ALS2CL: variants seen among roughly 807,000 people sequenced by gnomAD.
The protein encoded by ALS2CL is ALS2 C-terminal-like protein.
In ALS2CL, 112 loss-of-function variants were observed where a neutral mutation model predicts 127.9. That is an observed-to-expected ratio of 0.88 (90% CI 0.75 to 1.02). ALS2CL has a LOEUF of 1.02. Among genes scored for constraint, ALS2CL ranks in the 50% least tolerant of loss-of-function variants. The probability of loss-of-function intolerance (pLI) is 0.00; values close to 1 mark genes in which losing one functional copy is unlikely to be tolerated. For missense variants in ALS2CL, 1,174 were observed against 1,236.7 expected (o/e 0.95, Z 0.76); for synonymous variants, 519 against 527.6 (o/e 0.98, Z 0.22).
chr3:46,689,001 G>A (rs1382215619), intron 2 of ALS2CL, among the ~76,000 whole-genome samples: 6 of 152,150 alleles, frequency 3.9e-5, no homozygotes, highest in South Asian at 2.1e-4. Context: ...AGGCTGAGGC[G>A]GGCAGATCAT....
chr3:46,671,612 C>A lies in ALS2CL; in HGVS notation c.2685-28G>T, dbSNP rs6776565. On this transcript the variant is annotated intron_variant, in intron 24 of 25. Coordinates refer to ENST00000318962, the MANE Select transcript of ALS2CL (RefSeq NM_147129.5). ...GGAGAACACCGCCCCACCAAGAGAG[C>A]GAGGGAGACAAGGAGAAGAGGCCTG... The A allele has an allele frequency of 3.5e-5, 56 of 1,612,548 alleles. No homozygotes were observed. Among genetic ancestry groups the A allele is most frequent in the Non-Finnish European group, 4.7e-5 (55 of 1,179,614 alleles).
chr3:46,682,004 C>A, intron 11 of ALS2CL, 25 bp downstream of exon 11: 1 of 1,613,022 alleles, frequency 6.2e-7, no homozygotes. Context: ...GCACGCCTCC[C>A]AGCAGTAGCC....
chr3:46,679,402 G>A, intron 14 of ALS2CL, 115 bp from the exon 15 acceptor site: 1 of 921,816 alleles, frequency 1.1e-6, no homozygotes, highest in Non-Finnish European at 1.7e-6. Flanking sequence ...TGGCGAGAGG[G>A]GCCCTGAGCC....
chr3:46,680,421 T>C lies in ALS2CL; in HGVS notation c.1548+9A>G, dbSNP rs771359720. ...AAGAGAGGGATAGCCCAGGATACAC[T>C]CCACTCACCACCGTCTTGTCCGCCT... On this transcript the variant is annotated intron_variant, in intron 14 of 25. Coordinates refer to ENST00000318962, the MANE Select transcript of ALS2CL (RefSeq NM_147129.5). 1.9e-6 allele frequency: 3 copies of C among 1,611,440 alleles called. No homozygotes were observed. The South Asian group carries it at 3.3e-5, about 18-fold the overall frequency.
chr3:46,675,633 T>C lies in ALS2CL; in HGVS notation c.2240A>G (p.Glu747Gly), dbSNP rs1176188327. The change falls in exon 20 of 26, where the codon GAA becomes GGA. Residue 747 changes from glutamate to glycine, a missense_variant. Transcript: ENST00000318962. ...CGCCAGTCACCTTGTCTCTGTGTCT[T>C]CATCCTCCTCCAGGGCCTGGCCCTT... is the stretch of plus-strand genomic sequence containing the variant. ...ERKGQALEED[E>G]DTETRDLQVH... The C allele has an allele frequency of 1.2e-6, 2 of 1,613,840 alleles. No individual in the cohort carries two copies. Among genetic ancestry groups the C allele is most frequent in the Non-Finnish European group, 1.7e-6 (2 of 1,180,012 alleles).
chr3:46,673,891 A>G (rs1024840496), intron 21 of ALS2CL, among the ~76,000 whole-genome samples: 145 of 152,300 alleles, frequency 9.5e-4, no homozygotes, highest in African/African-American at 3.4e-3. Flanking sequence ...TCCCTGTGTA[A>G]CAAAGGAGAC....
At chr3:46,684,497 C>T (rs1699620588) in intron 7 of ALS2CL, among the ~76,000 whole-genome samples, 1 of 152,236 alleles carries the variant, frequency 6.6e-6, no homozygotes. Context: ...ACTGTTCCTT[C>T]TACCTGGAAT....
At chr3:46,683,087 C>T in intron 10 of ALS2CL, 43 bp downstream of exon 10, 4 of 1,513,914 alleles carry the variant, frequency 2.6e-6, no homozygotes, top group Non-Finnish European at 2.6e-6. Context: ...CCCGCAGACC[C>T]CCAGGGAGTC....
chr3:46,683,754 C>A (rs753165300), intron 9 of ALS2CL, 28 bp downstream of exon 9: 2 of 1,612,630 alleles, frequency 1.2e-6, no homozygotes, highest in South Asian at 2.2e-5. Flanking sequence ...GACCCCGCTC[C>A]CGCAGTTCAC....
At position 46,676,677 on chromosome 3, in the gene ALS2CL, G is replaced by C; in HGVS notation, c.1993C>G (p.Arg665Gly). ...EDILEELLQH[R>G]EPKALQLYLR... ...TACAGCTGCAGGGCCTTGGGCTCCC[G>C]GTGCTGCAGCAGCTCCTCCAGGATG... is the stretch of plus-strand genomic sequence containing the variant. Residue 665 changes from arginine to glycine, a missense_variant, in exon 18 of 26, where the codon CGG (arginine) becomes GGG (glycine). Physicochemically the swap from Arg to Gly is moderately radical, Grantham distance 125. Coordinates refer to ENST00000318962, the MANE Select transcript of ALS2CL (RefSeq NM_147129.5). The C allele has an allele frequency of 6.2e-7, 1 of 1,613,514 alleles. No homozygotes were observed. Among genetic ancestry groups the C allele is most frequent in the Non-Finnish European group, 8.5e-7 (1 of 1,179,868 alleles).
At chr3:46,677,137 C>T in intron 16 of ALS2CL, 115 bp from the exon 17 acceptor site, 5 of 1,481,234 alleles carry the variant, frequency 3.4e-6, no homozygotes, top group Non-Finnish European at 4.4e-6. Context: ...AGGATCAAGC[C>T]CCAAGAAGGG....
At chr3:46,688,557 C>T (rs1040035243) in intron 2 of ALS2CL, among the ~76,000 whole-genome samples, 1 of 152,180 alleles carries the variant, frequency 6.6e-6, no homozygotes, top group Non-Finnish European at 1.5e-5. Context: ...ACAGGGACAA[C>T]CCTGACAGCC....
chr3:46,678,463 G>C (rs1559466751), intron 15 of ALS2CL, 74 bp from the exon 16 acceptor site: 4 of 1,536,680 alleles, frequency 2.6e-6, no homozygotes, highest in South Asian at 1.2e-5. Context: ...CAGGCCACAA[G>C]CCTGTCCATC....
chr3:46,686,193 C>T lies in ALS2CL; in HGVS notation c.666+115G>A, dbSNP rs1430589308. The T allele has an allele frequency of 2.9e-6, 4 of 1,399,260 alleles. No individual in the cohort carries two copies. In the African/African-American group the frequency reaches 5.8e-5, roughly 20 times the overall value. The allele number at this position is 1,399,260 out of a possible 1,614,324, so 86.7% of individuals were successfully genotyped here. A position where few individuals can be genotyped will look rare whatever the true frequency, so the allele number is the denominator to read the frequency against. On this transcript the variant is annotated intron_variant, in intron 6 of 25. Transcript: ENST00000318962. The surrounding 1 kb of genome is among the most constrained non-coding windows in gnomAD (Gnocchi z 4.3). ...CCACCTGCTTCAGCCATCACTCCCC[C>T]TTCCATATAGGGAAACTGAGGCCCA...
Position 46,678,342 on chromosome 3 carries a change from G to A in ALS2CL, c.1674C>T (p.Gly558=). Residue 558 remains glycine, a synonymous_variant, in exon 16 of 26, where the codon GGC becomes GGT. Transcript: ENST00000318962. ...TGTGCAGTCCTCTCCCTGCCCCACTGCCGAACGAGCCCTCCAGGGTGAAGC... is the reference window on the plus strand; with the variant it reads ...TGTGCAGTCCTCTCCCTGCCCCACTACCGAACGAGCCCTCCAGGGTGAAGC... ...PNGFTLEGSF[G]SGAGRGLHTQ... The A allele has an allele frequency of 6.2e-7, 1 of 1,613,308 alleles. No individual in the cohort carries two copies. Among genetic ancestry groups the A allele is most frequent in the Non-Finnish European group, 8.5e-7 (1 of 1,179,554 alleles).
rs147700138 is a variant in ALS2CL at position 46,676,677 on chromosome 3, G to A, written c.1993C>T (p.Arg665Trp). 18 of 1,613,396 alleles carry A rather than the reference G, an allele frequency of 1.1e-5. No homozygotes were observed. The highest frequency in any genetic ancestry group is 5.5e-5 in the South Asian group (5 of 91,064). Reference sequence around the variant, plus strand: ...TACAGCTGCAGGGCCTTGGGCTCCCGGTGCTGCAGCAGCTCCTCCAGGATG... The same window carrying A: ...TACAGCTGCAGGGCCTTGGGCTCCCAGTGCTGCAGCAGCTCCTCCAGGATG... ...EDILEELLQH[R>W]EPKALQLYLR... The change falls in exon 18 of 26, where the codon CGG becomes TGG. Residue 665 changes from arginine (R) to tryptophan (W), a missense_variant. Coordinates refer to ENST00000318962, the MANE Select transcript of ALS2CL (RefSeq NM_147129.5).
In ALS2CL at chr3:46,686,974, G is replaced by C; in HGVS notation, c.534+9C>G. On this transcript the variant is annotated intron_variant, in intron 5 of 25. Coordinates refer to ENST00000318962, the MANE Select transcript of ALS2CL (RefSeq NM_147129.5). This position sits in a 1 kb window ranked among gnomAD's most constrained non-coding sequence, Gnocchi z 4.3. ...GGCTTCCCCACATGCTGCTGCCCCT[G>C]GTACCCACCTCCCCAATGGTGTCCC... 6.3e-7 allele frequency: 1 copy of C among 1,581,164 alleles called. No individual in the cohort carries two copies. The highest frequency in any genetic ancestry group is 8.6e-7 in the Non-Finnish European group (1 of 1,167,622).
intron 22 of ALS2CL, 24 bp downstream of exon 22, chr3:46,673,315 T>C (rs758283268): frequency 2.6e-6 from 4 of 1,548,154 alleles, no homozygotes; most frequent in Non-Finnish European, 2.6e-6. Context: ...GGCCCCTGGC[T>C]TGGGGCTCTG....
chr3:46,673,378 G>A lies in ALS2CL; in HGVS notation c.2433C>T (p.His811=), dbSNP rs1247841402. ...QLLEFLDVQK[H]LWPLKDLTLT... is the part of the protein sequence containing the mutation. ...GCGTGAGGTCCTTGAGGGGCCACAA[G>A]TGCCTGAAATTGAAAAAGTGAGACA... Residue 811 remains histidine (H), a synonymous_variant, in exon 22 of 26, where the codon CAC becomes CAT. Transcript: ENST00000318962. 2 of 1,563,098 alleles carry A rather than the reference G, an allele frequency of 1.3e-6. No individual in the cohort carries two copies. The highest frequency in any genetic ancestry group is 4.8e-5 in the East Asian group (2 of 41,752).
Sources: gnomAD v4.1 joint callset for allele counts (sites outside exome capture counted in the v4.1 genomes callset) on GRCh38, gnomAD v4.1.1 for gene constraint, Gnocchi (gnomAD v3.1) non-coding constraint, MANE v1.5 for transcripts, NCBI Gene and HGNC (gene_info 2026-07-23, HGNC 2026-07-21) for gene names.